The following DPP8 variants were observed in gnomAD, a reference collection of about 807,000 sequenced individuals.
DPP8 encodes the protein DPP VIII.
DPP8 carries 31 observed loss-of-function variants against 107.5 expected under a neutral mutation model. That is an observed-to-expected ratio of 0.29 (90% confidence interval 0.22 to 0.39). The LOEUF (loss-of-function observed/expected upper bound fraction) is 0.39. Among genes scored for constraint, DPP8 ranks in the 10% least tolerant of loss-of-function variants. The probability of loss-of-function intolerance (pLI) is 1.00; values close to 1 mark genes in which losing one functional copy is unlikely to be tolerated. For synonymous variants in DPP8, 381 were observed against 356.6 expected (o/e 1.07, Z -0.77); for missense variants, 842 against 1,076.1 (o/e 0.78, Z 3.04).
At position 65,444,715 on chromosome 15, in the gene DPP8, A is replaced by C. The variant is rs1327617542; in HGVS notation, c.*2169T>G. The C allele has an allele frequency of 6.6e-6, 1 of 152,222 alleles. No individual in the cohort carries two copies. Among genetic ancestry groups the C allele is most frequent in the East Asian group, 1.9e-4 (1 of 5,196 alleles). The allele number at this position is 152,222 out of a possible 1,614,324, so 9.4% of individuals were successfully genotyped here. Reference sequence around the variant, plus strand: ...AAAGGAAAACACCTGTGAACTCCAGAGTACATGAAGTTTTCTAAGTTTGTT... The same window carrying C: ...AAAGGAAAACACCTGTGAACTCCAGCGTACATGAAGTTTTCTAAGTTTGTT... On this transcript the variant is annotated 3_prime_UTR_variant, in exon 20 of 20. Transcript: ENST00000300141.
Position 65,480,264 on chromosome 15 carries a change from C to T in DPP8, c.1254G>A (p.Thr418=), listed in dbSNP as rs374832049. The change falls in exon 10 of 20, where the codon ACG becomes ACA. Residue 418 remains threonine (T), a synonymous_variant. Transcript: ENST00000300141. ...TTGTTTCTTCATAGATAATTAGTGG[C>T]GTCACAGAATCAGGCACTGACTCAA... ...RLIESVPDSV[T]PLIIYEETTD... 1.2e-5 allele frequency: 19 copies of T among 1,613,452 alleles called. No homozygotes were observed. The highest frequency in any genetic ancestry group is 6.7e-5 in the East Asian group (3 of 44,882).
intron 2 of DPP8, among the ~76,000 whole-genome samples, chr15:65,511,330 A>T (rs2070739806): frequency 6.6e-6 from 1 of 152,144 alleles, no homozygotes; most frequent in Admixed American, 6.6e-5. Flanking sequence ...CTACAAAAAA[A>T]TTCAAAACAT....
rs1555468189 is a variant in DPP8 at position 65,499,105 on chromosome 15, G to GTGTGTGTGTGTATA, written c.547-1074_547-1073insTATACACACACACA. On this transcript the variant is annotated intron_variant, in intron 4 of 19. Transcript: ENST00000300141. ...TGTGTGTGTGTGTGTGTGTGTGTGT[G>GTGTGTGTGTGTATA]TATATATAAATTTATTAAGATGAAT... Among the ~76,000 whole-genome samples, 278 of 138,818 alleles carry GTGTGTGTGTGTATA rather than the reference G, an allele frequency of 2.0e-3. 1 individual carries two copies. The highest frequency in any genetic ancestry group is 6.7e-3 in the African/African-American group (251 of 37,660). The allele number at this position is 138,818 out of a possible 152,430, so 91.1% of individuals were successfully genotyped here.
intron 12 of DPP8, 136 bp from the exon 13 acceptor site, chr15:65,467,359 T>C: frequency 2.6e-6 from 2 of 771,492 alleles, no homozygotes; most frequent in South Asian, 2.0e-5. Flanking sequence ...CCACTATTAA[T>C]AAACCTGAGT....
chr15:65,475,535 C>T (rs559055390), intron 11 of DPP8: 37 of 1,339,968 alleles, frequency 2.8e-5, no homozygotes, highest in Non-Finnish European at 3.6e-5. Context: ...AAAACCAGCC[C>T]GGTGCAATCC....
At chr15:65,504,663 G>C (rs1268654725) in intron 3 of DPP8, among the ~76,000 whole-genome samples, 1 of 54,958 alleles carries the variant, frequency 1.8e-5, no homozygotes, top group South Asian at 8.7e-4. Flanking sequence ...GCAAGATTCC[G>C]TCTCAAAAAA....
chr15:65,502,594 C>T (rs2069377722), intron 3 of DPP8: 1 of 151,972 alleles, frequency 6.6e-6, no homozygotes, highest in Non-Finnish European at 1.5e-5. Flanking sequence ...AGGAGAATCA[C>T]TTGAACCTGG....
chr15:65,511,491 A>C (rs2070761425), intron 2 of DPP8, among the ~76,000 whole-genome samples: 2 of 151,900 alleles, frequency 1.3e-5, no homozygotes, highest in Non-Finnish European at 2.9e-5. Context: ...TAAAAAAAAA[A>C]CAAAACAACA....
At chr15:65,504,526 T>C (rs1209030619) in intron 3 of DPP8, among the ~76,000 whole-genome samples, 3 of 143,192 alleles carry the variant, frequency 2.1e-5, no homozygotes, top group African/African-American at 5.2e-5. Flanking sequence ...AAAAATTAGC[T>C]AGGCCTGGTG....
intron 3 of DPP8, among the ~76,000 whole-genome samples, chr15:65,505,731 C>T (rs146903338): frequency 3.3e-5 from 5 of 151,168 alleles, no homozygotes; most frequent in Non-Finnish European, 7.4e-5. Context: ...CGGTGGATCA[C>T]TTGAGGCCAA....
chr15:65,470,195 CAAAAAAAAAAAAAAAAAA>C (rs11310623), intron 12 of DPP8, among the ~76,000 whole-genome samples: 6 of 58,500 alleles, frequency 1.0e-4, no homozygotes, highest in African/African-American at 3.5e-4. Flanking sequence ...ACTCTTGTCT[CAAAAAAAAAAAAAAAAAA>C]AAAAAAAGAA....
chr15:65,482,886 G>C (rs1419232362), intron 8 of DPP8, among the ~76,000 whole-genome samples: 2 of 151,166 alleles, frequency 1.3e-5, no homozygotes, highest in Non-Finnish European at 3.0e-5. Flanking sequence ...CACAAGGTCA[G>C]GAGATCGAGA....
intron 17 of DPP8, among the ~76,000 whole-genome samples, chr15:65,452,732 G>A (rs1353208022): frequency 6.6e-6 from 1 of 152,114 alleles, no homozygotes; most frequent in Non-Finnish European, 1.5e-5. Context: ...AGCACTTTGG[G>A]AGGCTGAGGC....
chr15:65,501,858 A>G (rs2069272310), intron 3 of DPP8, among the ~76,000 whole-genome samples: 2 of 152,028 alleles, frequency 1.3e-5, no homozygotes, highest in South Asian at 2.1e-4. Context: ...CTCAGCTAGC[A>G]AAGTTTTCCA....
intron 1 of DPP8, among the ~76,000 whole-genome samples, chr15:65,513,760 C>T (rs1302902383): frequency 1.3e-5 from 2 of 152,092 alleles, no homozygotes; most frequent in Non-Finnish European, 2.9e-5. Flanking sequence ...TCTCATTTCA[C>T]AAATCCAGAA....
chr15:65,492,413 G>A (rs12594547), intron 5 of DPP8, among the ~76,000 whole-genome samples: 33,529 of 151,910 alleles, frequency 0.22, 4,669 homozygotes, highest in East Asian at 0.73. Flanking sequence ...GAGTAATATG[G>A]CTGGTTAGTG....
rs963551209 is a variant in DPP8, at chr15:65,474,404, A to G, written c.1457-116T>C. The G allele has an allele frequency of 4.2e-6, 3 of 710,994 alleles. No individual in the cohort carries two copies. The African/African-American group carries it at 5.3e-5, about 13-fold the overall frequency. 44.0% of individuals were successfully genotyped at this position (710,994 alleles called of 1,614,324 possible). A position where few individuals can be genotyped will look rare whatever the true frequency, so the allele number is the denominator to read the frequency against. ...AAAAAGTTATGTTTGGGGTAATAAA[A>G]ATGTTTTGGAACTAGACAGAGATGA... On this transcript the variant is annotated intron_variant, in intron 11 of 19. Coordinates refer to ENST00000300141, the MANE Select transcript of DPP8 (RefSeq NM_130434.5).
intron 1 of DPP8, among the ~76,000 whole-genome samples, chr15:65,513,848 G>A (rs1257556657): frequency 6.6e-6 from 1 of 152,132 alleles, no homozygotes; most frequent in Non-Finnish European, 1.5e-5. Flanking sequence ...TCACAAACCA[G>A]TGTGTATTCC....
chr15:65,472,669 G>T (rs1837311952), intron 12 of DPP8, among the ~76,000 whole-genome samples: 1 of 152,036 alleles, frequency 6.6e-6, no homozygotes, highest in Non-Finnish European at 1.5e-5. Flanking sequence ...CAAACCATAT[G>T]CTAACTTACA....
Sources: allele counts gnomAD v4.1 joint callset (sites outside exome capture counted in the v4.1 genomes callset), GRCh38; gene constraint gnomAD v4.1.1; transcripts MANE v1.5; gene names NCBI Gene and HGNC (gene_info 2026-07-23, HGNC 2026-07-21).